Variants in SPMAP2 observed in about 807,000 individuals in gnomAD.
The protein encoded by SPMAP2 is sperm microtubule associated protein 2.
the SPMAP2 span, chr19:361,968 C>T: frequency 1.1e-5 from 4 of 371,388 alleles, no homozygotes; most frequent in Non-Finnish European, 1.4e-5. Context: ...CAGGAATGGA[C>T]GAATAAGTCT....
chr19:369,233 C>T, the SPMAP2 span, among the ~76,000 whole-genome samples: 84 of 152,232 alleles, frequency 5.5e-4, no homozygotes, highest in East Asian at 1.9e-3. Flanking sequence ...TAATGCCACG[C>T]GAGAAACGGC....
the SPMAP2 span, chr19:374,186 T>A: frequency 6.5e-7 from 1 of 1,531,468 alleles, no homozygotes; most frequent in Non-Finnish European, 8.9e-7. Context: ...TTGCTGGATG[T>A]GGTGGCAGCT....
chr19:363,922 G>C, the SPMAP2 span, among the ~76,000 whole-genome samples: 2 of 151,930 alleles, frequency 1.3e-5, no homozygotes, highest in Non-Finnish European at 2.9e-5. Context: ...CACCTGACTT[G>C]AACTGCTGGG....
chr19:374,481 C>G, the SPMAP2 span: 3 of 1,607,692 alleles, frequency 1.9e-6, no homozygotes, highest in Non-Finnish European at 2.5e-6. Context: ...CGTTTGGGAG[C>G]CCAGAGAAGC....
the SPMAP2 span, chr19:374,424 T>G: frequency 1.2e-6 from 2 of 1,614,036 alleles, no homozygotes; most frequent in Non-Finnish European, 1.7e-6. Flanking sequence ...ACAGCCGGCT[T>G]TGGGAGAATT....
Sources: gnomAD v4.1 joint callset for allele counts (sites outside exome capture counted in the v4.1 genomes callset) on GRCh38, gnomAD v4.1.1 for gene constraint, MANE v1.5 for transcripts, NCBI Gene and HGNC (gene_info 2026-07-23, HGNC 2026-07-21) for gene names.